RORA: variants seen among roughly 807,000 people sequenced by gnomAD.
RORA encodes the protein RAR related orphan receptor A.
Under a neutral mutation model 69.5 loss-of-function variants are expected in RORA, and 7 were observed. That is an observed-to-expected ratio of 0.10 (90% CI 0.06 to 0.19). The LOEUF is 0.19. RORA is among the 10% of genes least tolerant of loss of function. RORA has a pLI of 1.00. For synonymous variants in RORA, 261 were observed against 240.8 expected, an observed-to-expected ratio of 1.08 and a Z score of -0.78; for missense variants, 457 against 663.0, an observed-to-expected ratio of 0.69 and a Z score of 3.41.
At chr15:60,505,425 G>GATACA in intron 6 of RORA, 83 bp downstream of exon 6, 1 of 1,339,492 alleles carries the variant, frequency 7.5e-7, no homozygotes, top group South Asian at 1.2e-5. Context: ...TTTAGTCTGT[G>GATACA]TGAACTCTTG....
chr15:60,825,543 C>T (rs1184685309), intron 1 of RORA, among the ~76,000 whole-genome samples: 3 of 152,152 alleles, frequency 2.0e-5, no homozygotes, highest in Non-Finnish European at 2.9e-5. Flanking sequence ...AGGTCAAGAA[C>T]CAGAGGCATT....
intron 1 of RORA, among the ~76,000 whole-genome samples, chr15:61,215,016 C>T (rs1308449441): frequency 6.7e-6 from 1 of 149,350 alleles, no homozygotes; most frequent in Admixed American, 6.7e-5. Context: ...AGGCGCCCGC[C>T]ACCACGCCCA....
intron 2 of RORA, among the ~76,000 whole-genome samples, chr15:60,567,222 C>G (rs1195028499): frequency 6.6e-6 from 1 of 151,426 alleles, no homozygotes; most frequent in African/African-American, 2.4e-5. Context: ...TGATGACAGA[C>G]CAGTTATTCC....
intron 1 of RORA, among the ~76,000 whole-genome samples, chr15:60,836,402 G>A (rs950442792): frequency 3.9e-5 from 6 of 152,036 alleles, no homozygotes; most frequent in East Asian, 1.9e-4. Flanking sequence ...TGAATTTCTC[G>A]GACCATTCTT....
chr15:61,222,941 T>C (rs895972486), intron 1 of RORA, among the ~76,000 whole-genome samples: 3 of 152,176 alleles, frequency 2.0e-5, no homozygotes, highest in Admixed American at 2.0e-4. Flanking sequence ...CTGTCTACCA[T>C]TAGATGGGAG....
chr15:61,062,797 C>T (rs1365552651), intron 1 of RORA, among the ~76,000 whole-genome samples: 5 of 152,160 alleles, frequency 3.3e-5, no homozygotes, highest in Admixed American at 1.3e-4. Flanking sequence ...TCTCCATCCC[C>T]GAGTGAGGGT....
chr15:60,738,197 C>T (rs888322946), intron 1 of RORA, among the ~76,000 whole-genome samples: 2 of 152,194 alleles, frequency 1.3e-5, no homozygotes, highest in Non-Finnish European at 2.9e-5. Context: ...AGCCAAACAT[C>T]GACAATGTAC....
chr15:61,148,419 C>T (rs1261679445), intron 1 of RORA, among the ~76,000 whole-genome samples: 1 of 152,160 alleles, frequency 6.6e-6, no homozygotes, highest in Non-Finnish European at 1.5e-5. Flanking sequence ...AAATGGTCCA[C>T]TAGACTACAA....
chr15:60,826,048 A>T (rs1208829755), intron 1 of RORA, among the ~76,000 whole-genome samples: 1 of 152,196 alleles, frequency 6.6e-6, no homozygotes, highest in African/African-American at 2.4e-5. Context: ...TTCTCACCTT[A>T]GGCAGGGCCA....
At chr15:61,192,099 C>T (rs1426009551) in intron 1 of RORA, among the ~76,000 whole-genome samples, 1 of 152,238 alleles carries the variant, frequency 6.6e-6, no homozygotes, top group African/African-American at 2.4e-5. Context: ...ACATGTCACC[C>T]TTAACCAACA....
At chr15:60,832,344 C>A (rs147823642) in intron 1 of RORA, among the ~76,000 whole-genome samples, 12 of 152,262 alleles carry the variant, frequency 7.9e-5, no homozygotes, top group African/African-American at 2.9e-4. Context: ...CTGGGAAATC[C>A]GGTAGTCTGG....
intron 2 of RORA, among the ~76,000 whole-genome samples, chr15:60,634,757 A>C (rs904412085): frequency 6.6e-6 from 1 of 152,044 alleles, no homozygotes; most frequent in Non-Finnish European, 1.5e-5. Context: ...AAGCCCAGGT[A>C]ATTTTCCCCC....
intron 2 of RORA, among the ~76,000 whole-genome samples, chr15:60,561,104 C>T (rs1436010501): frequency 4.7e-5 from 6 of 128,326 alleles, no homozygotes; most frequent in South Asian, 2.4e-4. Flanking sequence ...GTTTTTGAGA[C>T]GGAGTCTCGC....
At chr15:60,995,510 A>G (rs1396829289) in intron 1 of RORA, among the ~76,000 whole-genome samples, 1 of 152,006 alleles carries the variant, frequency 6.6e-6, no homozygotes, top group East Asian at 1.9e-4. Context: ...CCCCCTGACC[A>G]GGTCTCCTTC....
chr15:60,576,157 T>A (rs2068020419), intron 2 of RORA, among the ~76,000 whole-genome samples: 1 of 152,232 alleles, frequency 6.6e-6, no homozygotes, highest in Non-Finnish European at 1.5e-5. Context: ...ATGGGCAGCG[T>A]GGCTGTGGGC....
intron 1 of RORA, among the ~76,000 whole-genome samples, chr15:60,684,263 G>A (rs1050571385): frequency 2.8e-5 from 4 of 140,856 alleles, no homozygotes; most frequent in South Asian, 2.3e-4. Context: ...CTTTTGCAAC[G>A]AGAAAACAAC....
intron 1 of RORA, among the ~76,000 whole-genome samples, chr15:60,826,768 T>C (rs201799227): frequency 3.1e-4 from 19 of 60,970 alleles, no homozygotes; most frequent in South Asian, 1.2e-3. Context: ...TCTCTCTCCC[T>C]CTCTCTCTCT....
chr15:60,947,888 G>A (rs546958435), intron 1 of RORA, among the ~76,000 whole-genome samples: 26 of 152,162 alleles, frequency 1.7e-4, no homozygotes, highest in African/African-American at 6.0e-4. Context: ...GGGGCCTTGG[G>A]GCCTCAGGGG....
intron 1 of RORA, among the ~76,000 whole-genome samples, chr15:61,040,933 C>T (rs925613599): frequency 1.3e-5 from 2 of 152,158 alleles, no homozygotes; most frequent in Non-Finnish European, 2.9e-5. Context: ...GTAATTATGC[C>T]TTCCTTTGTA....
Sources: gnomAD v4.1 joint callset for allele counts (sites outside exome capture counted in the v4.1 genomes callset) on GRCh38, gnomAD v4.1.1 for gene constraint, MANE v1.5 for transcripts, NCBI Gene and HGNC (gene_info 2026-07-23, HGNC 2026-07-21) for gene names.